The following BMPR1B variants were observed in gnomAD, a reference collection of about 807,000 sequenced individuals.
BMPR1B encodes the protein bone morphogenetic protein receptor type-1B.
Under a neutral mutation model 59.1 loss-of-function variants are expected in BMPR1B, and 12 were observed. The observed-to-expected ratio is 0.20, with a 90% CI of 0.13 to 0.33. The LOEUF is 0.33. Among genes scored for constraint, BMPR1B ranks in the 10% least tolerant of loss-of-function variants. The pLI, the probability that BMPR1B is intolerant of heterozygous loss-of-function variation, is 1.00. For missense variants in BMPR1B, 550 were observed against 610.9 expected (o/e 0.90, Z 1.05); for synonymous variants, 237 against 207.3 (o/e 1.14, Z -1.23).
intron 2 of BMPR1B, among the ~76,000 whole-genome samples, chr4:94,948,704 A>G (rs1439111638): frequency 6.6e-6 from 1 of 152,196 alleles, no homozygotes; most frequent in Non-Finnish European, 1.5e-5. Flanking sequence ...TCCCTCATTT[A>G]TAAATCAGAG....
At chr4:95,030,725 AACAG>A (rs915662526) in intron 3 of BMPR1B, among the ~76,000 whole-genome samples, 91 of 152,264 alleles carry the variant, frequency 6.0e-4, no homozygotes, top group African/African-American at 2.1e-3. Context: ...ATACACCAAT[AACAG>A]ACAAACAGAG....
Position 95,132,658 on chromosome 4 carries a change from T to G in BMPR1B, c.1076+1146T>G, listed in dbSNP as rs559575996. Among the ~76,000 whole-genome samples the G allele has an allele frequency of 2.7e-5, 4 of 149,918 alleles. No individual in the cohort carries two copies. The East Asian group carries it at 7.7e-4, about 29-fold the overall frequency. On this transcript the variant is annotated intron_variant, in intron 10 of 12. Coordinates refer to ENST00000515059, the MANE Select transcript of BMPR1B (RefSeq NM_001203.3). ...ACCTACAACCCTTTTCAAGTCTTCC[T>G]ATAAAAAAAAAAAATCCCACAATGC...
At chr4:94,807,063 A>T (rs1723633235) in intron 1 of BMPR1B, among the ~76,000 whole-genome samples, 1 of 152,280 alleles carries the variant, frequency 6.6e-6, no homozygotes, top group Non-Finnish European at 1.5e-5. Context: ...GATATAAAAA[A>T]TTGGTATAAT....
chr4:94,872,609 C>T (rs1726547756), intron 1 of BMPR1B, among the ~76,000 whole-genome samples: 1 of 151,992 alleles, frequency 6.6e-6, no homozygotes, highest in African/African-American at 2.4e-5. Flanking sequence ...ATGCTGGATG[C>T]CAGTGGAGCA....
intron 10 of BMPR1B, among the ~76,000 whole-genome samples, chr4:95,132,418 T>C (rs537581622): frequency 6.6e-6 from 1 of 152,168 alleles, no homozygotes; most frequent in Non-Finnish European, 1.5e-5. Context: ...TTGATTGGTA[T>C]TTTCGGCCAG....
intron 1 of BMPR1B, among the ~76,000 whole-genome samples, chr4:94,786,791 G>A (rs1032258198): frequency 6.6e-5 from 10 of 151,958 alleles, no homozygotes; most frequent in East Asian, 3.9e-4. Flanking sequence ...TGATCCACCC[G>A]CCTTTGCCTC....
chr4:95,085,480 G>A (rs1729506136), intron 3 of BMPR1B, among the ~76,000 whole-genome samples: 1 of 152,126 alleles, frequency 6.6e-6, no homozygotes. Flanking sequence ...TGGAAAACAA[G>A]AAATCAAGAA....
At chr4:94,816,762 A>G (rs111712591) in intron 1 of BMPR1B, among the ~76,000 whole-genome samples, 154 of 152,338 alleles carry the variant, frequency 1.0e-3, no homozygotes, top group African/African-American at 3.5e-3. Flanking sequence ...AGGCAGTACT[A>G]TGGAAGAAAA....
intron 2 of BMPR1B, among the ~76,000 whole-genome samples, chr4:94,987,689 AC>A (rs554940840): frequency 6.7e-6 from 1 of 150,182 alleles, no homozygotes; most frequent in Non-Finnish European, 1.5e-5. Context: ...CACTTTTTTG[AC>A]CCCCCCTCGA....
chr4:94,859,136 T>A (rs1725882094), intron 1 of BMPR1B, among the ~76,000 whole-genome samples: 1 of 152,214 alleles, frequency 6.6e-6, no homozygotes, highest in Non-Finnish European at 1.5e-5. Flanking sequence ...CCCATCAGAC[T>A]GTCTAGAGCC....
chr4:94,840,964 T>C (rs1365962178), intron 1 of BMPR1B, among the ~76,000 whole-genome samples: 1 of 146,862 alleles, frequency 6.8e-6, no homozygotes, highest in Admixed American at 6.8e-5. Context: ...TTTCTGTTTG[T>C]TAGTTTTCCT....
intron 2 of BMPR1B, among the ~76,000 whole-genome samples, chr4:94,901,972 A>G (rs151012522): frequency 2.0e-5 from 3 of 151,722 alleles, no homozygotes; most frequent in Non-Finnish European, 2.9e-5. Context: ...ATATGAAGAT[A>G]TATCTGATCT....
At position 94,785,518 on chromosome 4, in the gene BMPR1B, G is replaced by T. The variant is rs76487087; in HGVS notation, c.-183+27450G>T. 5.9e-5 allele frequency among the ~76,000 whole-genome samples: 9 copies of T among 152,272 alleles called. No homozygotes were observed. In the East Asian group the frequency reaches 1.2e-3, roughly 20 times the overall value. Reference sequence around the variant, plus strand: ...GACATGTAGCTGTTGCATTTGATGGGCATGGGGGTGGGGCATGGATAACTG... The same window carrying T: ...GACATGTAGCTGTTGCATTTGATGGTCATGGGGGTGGGGCATGGATAACTG... On this transcript the variant is annotated intron_variant, in intron 1 of 12. Transcript: ENST00000515059.
intron 10 of BMPR1B, among the ~76,000 whole-genome samples, chr4:95,145,664 A>G (rs902451476): frequency 6.6e-6 from 1 of 152,250 alleles, no homozygotes; most frequent in Admixed American, 6.5e-5. Context: ...TGAGAAAGAA[A>G]TGTAGTCTAA....
chr4:94,990,587 A>G (rs1721669931), intron 2 of BMPR1B, among the ~76,000 whole-genome samples: 1 of 152,234 alleles, frequency 6.6e-6, no homozygotes, highest in South Asian at 2.1e-4. Flanking sequence ...AAACTAAGTC[A>G]CATATGTAAC....
At chr4:94,881,444 G>T (rs970579630) in intron 2 of BMPR1B, among the ~76,000 whole-genome samples, 4 of 151,896 alleles carry the variant, frequency 2.6e-5, no homozygotes, top group South Asian at 4.2e-4. Flanking sequence ...CTGGGTTCAA[G>T]TTCTAGGCTG....
At position 95,147,487 on chromosome 4, in the gene BMPR1B, C is replaced by T. The variant is rs377517384; in HGVS notation, c.1077-1261C>T. ...ATGACAGCAGGATAAGTGTGATATTCGATAAATGAATCTGTTTTCCAGGCT... is the reference window on the plus strand; with the variant it reads ...ATGACAGCAGGATAAGTGTGATATTTGATAAATGAATCTGTTTTCCAGGCT... On this transcript the variant is annotated intron_variant, in intron 10 of 12. Transcript: ENST00000515059. Among the ~76,000 whole-genome samples the T allele has an allele frequency of 1.4e-4, 21 of 151,496 alleles. No individual in the cohort carries two copies. The East Asian group carries it at 2.5e-3, about 18-fold the overall frequency.
chr4:94,867,677 C>T (rs56115063), intron 1 of BMPR1B, among the ~76,000 whole-genome samples: 5,747 of 152,136 alleles, frequency 0.038, 348 homozygotes, highest in African/African-American at 0.13. Flanking sequence ...TTCCCTGGGA[C>T]GTATGGAACT....
At chr4:94,915,601 A>T (rs570673388) in intron 2 of BMPR1B, among the ~76,000 whole-genome samples, 1 of 152,314 alleles carries the variant, frequency 6.6e-6, no homozygotes, top group African/African-American at 2.4e-5. Flanking sequence ...AATCGACACA[A>T]TTAACATAAT....
Sources: gnomAD v4.1 joint callset for allele counts (sites outside exome capture counted in the v4.1 genomes callset) on GRCh38, gnomAD v4.1.1 for gene constraint, MANE v1.5 for transcripts, NCBI Gene and HGNC (gene_info 2026-07-23, HGNC 2026-07-21) for gene names.